PTPRD: variants seen among roughly 807,000 people sequenced by gnomAD.
The protein encoded by PTPRD is protein tyrosine phosphatase receptor type D.
A neutral mutation model predicts 214.5 loss-of-function variants in PTPRD; 34 were observed. That is an observed-to-expected ratio of 0.16 (90% CI 0.12 to 0.21). The LOEUF is 0.21. Ranked by LOEUF, PTPRD falls within the 10% of genes least tolerant of loss-of-function variation. PTPRD has a pLI of 1.00. For missense variants in PTPRD, 2,545 were observed against 2,398.7 expected, an observed-to-expected ratio of 1.06 and a Z score of -1.27; for synonymous variants, 1,128 against 845.7, an observed-to-expected ratio of 1.33 and a Z score of -5.79.
intron 5 of PTPRD, among the ~76,000 whole-genome samples, chr9:9,843,404 G>A (rs890182095): frequency 6.6e-5 from 10 of 151,608 alleles, no homozygotes; most frequent in Non-Finnish European, 1.5e-4. Flanking sequence ...TCTCAAATTA[G>A]GCCTTTTCTT....
In PTPRD at chr9:9,659,056, T is replaced by C. The variant is rs150042999; in HGVS notation, c.-287+75477A>G. Among the ~76,000 whole-genome samples, 834 of 152,162 alleles carry C rather than the reference T, an allele frequency of 5.5e-3. 10 individuals are homozygous for C. Among genetic ancestry groups the C allele is most frequent in the African/African-American group, 0.019 (802 of 41,540 alleles). On this transcript the variant is annotated intron_variant, in intron 7 of 45. Coordinates refer to ENST00000381196, the MANE Select transcript of PTPRD (RefSeq NM_002839.4). ...AGGCAGGACTTTGGAAAGATGAGAA[T>C]GAAAGAAAAGAGGTGAAGATATAAT...
At chr9:9,818,718 T>G (rs986215941) in intron 5 of PTPRD, among the ~76,000 whole-genome samples, 10 of 151,714 alleles carry the variant, frequency 6.6e-5, no homozygotes, top group Non-Finnish European at 1.2e-4. Context: ...GAGTTCGAAG[T>G]CACCCTGGCT....
At chr9:9,149,538 A>G (rs1023460969) in intron 10 of PTPRD, among the ~76,000 whole-genome samples, 2 of 152,168 alleles carry the variant, frequency 1.3e-5, no homozygotes, top group Admixed American at 1.3e-4. Flanking sequence ...TGACTCCACA[A>G]AGTTCACGGG....
intron 5 of PTPRD, among the ~76,000 whole-genome samples, chr9:9,853,763 G>A (rs2061000517): frequency 6.6e-6 from 1 of 151,950 alleles, no homozygotes; most frequent in East Asian, 1.9e-4. Context: ...TGGCCAGGAT[G>A]GTCTCAATGG....
intron 7 of PTPRD, among the ~76,000 whole-genome samples, chr9:9,598,044 G>A (rs1359659968): frequency 6.6e-6 from 1 of 151,916 alleles, no homozygotes; most frequent in Non-Finnish European, 1.5e-5. Flanking sequence ...CACTTGTACA[G>A]GACTTAAGTT....
At chr9:10,116,597 C>A (rs899527381) in intron 3 of PTPRD, among the ~76,000 whole-genome samples, 13 of 152,108 alleles carry the variant, frequency 8.5e-5, no homozygotes, top group Admixed American at 7.2e-4. Flanking sequence ...GTACTCCCTA[C>A]ACATTTTAAT....
intron 9 of PTPRD, among the ~76,000 whole-genome samples, chr9:9,213,646 G>A (rs1375429634): frequency 6.6e-6 from 1 of 152,024 alleles, no homozygotes; most frequent in Non-Finnish European, 1.5e-5. Flanking sequence ...CAAATATACA[G>A]ACACATTATG....
At chr9:10,152,918 G>C (rs917288953) in intron 3 of PTPRD, among the ~76,000 whole-genome samples, 3 of 152,050 alleles carry the variant, frequency 2.0e-5, no homozygotes, top group Non-Finnish European at 4.4e-5. Context: ...ATGCCAGTCA[G>C]AGAAAGACAA....
intron 12 of PTPRD, among the ~76,000 whole-genome samples, chr9:8,666,054 G>A (rs1261681422): frequency 7.0e-6 from 1 of 143,206 alleles, no homozygotes. Context: ...TTTTTTTTCT[G>A]AATGAAAATC....
chr9:10,580,310 T>A (rs966553143), intron 2 of PTPRD, among the ~76,000 whole-genome samples: 1 of 152,190 alleles, frequency 6.6e-6, no homozygotes, highest in Non-Finnish European at 1.5e-5. Flanking sequence ...ATTTTTAAAA[T>A]AAAATATTAC....
intron 7 of PTPRD, among the ~76,000 whole-genome samples, chr9:9,620,722 T>G (rs185539757): frequency 6.6e-6 from 1 of 152,216 alleles, no homozygotes; most frequent in Non-Finnish European, 1.5e-5. Context: ...GAAAAAAAAA[T>G]CAACATAATA....
At chr9:9,081,718 CTTG>C (rs1486283062) in intron 10 of PTPRD, among the ~76,000 whole-genome samples, 1 of 151,690 alleles carries the variant, frequency 6.6e-6, no homozygotes, top group East Asian at 1.9e-4. Context: ...GTTAGCTCTT[CTTG>C]TTGCAATGAT....
chr9:9,960,053 C>T (rs1477765520), intron 4 of PTPRD, among the ~76,000 whole-genome samples: 2 of 152,026 alleles, frequency 1.3e-5, no homozygotes, highest in African/African-American at 2.4e-5. Context: ...TTTCTAATAA[C>T]ATTCTCTAAT....
At chr9:10,454,160 A>G (rs1235620615) in intron 2 of PTPRD, among the ~76,000 whole-genome samples, 1 of 151,656 alleles carries the variant, frequency 6.6e-6, no homozygotes, top group African/African-American at 2.4e-5. Context: ...ATTATAGTTG[A>G]TAAACAGAAT....
chr9:10,315,003 G>A (rs2154421584), intron 3 of PTPRD, among the ~76,000 whole-genome samples: 1 of 151,982 alleles, frequency 6.6e-6, no homozygotes, highest in Non-Finnish European at 1.5e-5. Flanking sequence ...AAGTGCATCT[G>A]GGAATGATGT....
In PTPRD at chr9:9,530,339, A is replaced by G. The variant is rs1338819178; in HGVS notation, c.-237+44393T>C. Among the ~76,000 whole-genome samples, 7 of 152,224 alleles carry G rather than the reference A, an allele frequency of 4.6e-5. No homozygotes were observed. In the East Asian group the frequency reaches 1.2e-3, roughly 25 times the overall value. The stretch of plus-strand genomic sequence containing the variant: ...TGATATTGCAGAAATACAAAAGAAT[A>G]TCAAAGACTTTTATGAGCAACTATA... On this transcript the variant is annotated intron_variant, in intron 8 of 45. Coordinates refer to ENST00000381196, the MANE Select transcript of PTPRD (RefSeq NM_002839.4).
intron 4 of PTPRD, among the ~76,000 whole-genome samples, chr9:10,019,395 A>G (rs1305314066): frequency 6.6e-6 from 1 of 152,122 alleles, no homozygotes; most frequent in African/African-American, 2.4e-5. Flanking sequence ...TAGAACTAGA[A>G]ATACCATTTG....
chr9:10,048,321 C>G (rs545877048), intron 3 of PTPRD, among the ~76,000 whole-genome samples: 1 of 152,144 alleles, frequency 6.6e-6, no homozygotes, highest in Non-Finnish European at 1.5e-5. Context: ...TCAAGACTCA[C>G]TAGCCCCCAG....
chr9:9,001,403 G>C (rs192990815), intron 11 of PTPRD, among the ~76,000 whole-genome samples: 8 of 152,068 alleles, frequency 5.3e-5, no homozygotes, highest in African/African-American at 1.9e-4. Flanking sequence ...ATAACTAGTA[G>C]GTTACAGAAA....
Sources: allele counts gnomAD v4.1 joint callset (sites outside exome capture counted in the v4.1 genomes callset), GRCh38; gene constraint gnomAD v4.1.1; transcripts MANE v1.5; gene names NCBI Gene and HGNC (gene_info 2026-07-23, HGNC 2026-07-21).